DCC: variants seen among roughly 807,000 people sequenced by gnomAD.
DCC encodes netrin receptor DCC.
A neutral mutation model predicts 172.5 loss-of-function variants in DCC; 58 were observed. The ratio of observed to expected loss-of-function variants is 0.34; its 90% confidence interval spans 0.27 to 0.42. DCC has a LOEUF of 0.42. DCC is among the 10% of genes least tolerant of loss of function. The probability of loss-of-function intolerance (pLI) is 1.00; values close to 1 mark genes in which losing one functional copy is unlikely to be tolerated. For synonymous variants in DCC, 709 were observed against 644.5 expected, an observed-to-expected ratio of 1.10 and a Z score of -1.52; for missense variants, 1,740 against 1,791.0, an observed-to-expected ratio of 0.97 and a Z score of 0.51.
At chr18:53,187,024 T>G (rs879678759) in intron 9 of DCC, among the ~76,000 whole-genome samples, 1 of 152,182 alleles carries the variant, frequency 6.6e-6, no homozygotes, top group Non-Finnish European at 1.5e-5. Context: ...TTTTAAAAGA[T>G]TATTATAATA....
rs184315068 is a variant in DCC at position 53,513,139 on chromosome 18, A to C, written c.4112-13478A>C. ...CAGCAGAAATCCTACAAGCCAAAAGAGAGTGGGGGCCAATATTCAACATTC... is the reference window on the plus strand; with the variant it reads ...CAGCAGAAATCCTACAAGCCAAAAGCGAGTGGGGGCCAATATTCAACATTC... On this transcript the variant is annotated intron_variant, in intron 27 of 28. Coordinates refer to ENST00000442544, the MANE Select transcript of DCC (RefSeq NM_005215.4). Among the ~76,000 whole-genome samples, 369 of 152,328 alleles carry C rather than the reference A, an allele frequency of 2.4e-3. 1 individual carries two copies. Among genetic ancestry groups the C allele is most frequent in the Non-Finnish European group, 4.4e-3 (299 of 68,030 alleles).
intron 1 of DCC, among the ~76,000 whole-genome samples, chr18:52,677,002 A>G (rs180942688): frequency 6.6e-6 from 1 of 152,308 alleles, no homozygotes; most frequent in East Asian, 1.9e-4. Context: ...TCCTGTAGAA[A>G]CTTGAACATA....
chr18:52,885,788 A>T (rs4940221), intron 2 of DCC, among the ~76,000 whole-genome samples: 39,806 of 151,836 alleles, frequency 0.26, 5,424 homozygotes, highest in Admixed American at 0.33. Context: ...AAGCCACAAC[A>T]TCTCAGGGCT....
chr18:52,751,908 A>G, intron 1 of DCC, 146 bp from the exon 2 acceptor site: 2 of 692,730 alleles, frequency 2.9e-6, no homozygotes, highest in South Asian at 3.7e-5. Context: ...TTAACATAAT[A>G]TCCTTGATTT....
rs148799196 is a variant in DCC at position 53,349,858 on chromosome 18, G to A, written c.2359+9951G>A. ...AATTGTGGGAGTTACAAGTCAAGAT[G>A]AGATTTGGGCGGGGACACAGCCAAA... On this transcript the variant is annotated intron_variant, in intron 15 of 28. Coordinates refer to ENST00000442544, the MANE Select transcript of DCC (RefSeq NM_005215.4). Among the ~76,000 whole-genome samples the A allele has an allele frequency of 4.1e-3, 619 of 152,286 alleles. 5 individuals carry two copies. The highest frequency in any genetic ancestry group is 0.014 in the African/African-American group (586 of 41,566).
intron 1 of DCC, among the ~76,000 whole-genome samples, chr18:52,723,309 A>G (rs2036500738): frequency 6.6e-6 from 1 of 152,246 alleles, no homozygotes; most frequent in Non-Finnish European, 1.5e-5. Flanking sequence ...AATAAATTAG[A>G]CACAGAATTC....
intron 1 of DCC, among the ~76,000 whole-genome samples, chr18:52,433,565 G>A (rs894881278): frequency 6.6e-6 from 1 of 152,086 alleles, no homozygotes; most frequent in Non-Finnish European, 1.5e-5. Context: ...TAGTCATCAT[G>A]ACAGAAACAC....
chr18:53,033,040 C>G (rs1568257939), intron 5 of DCC, among the ~76,000 whole-genome samples: 2 of 152,106 alleles, frequency 1.3e-5, no homozygotes, highest in Non-Finnish European at 2.9e-5. Context: ...TAGAGTTAGT[C>G]TCCATGAAAG....
At chr18:52,841,054 A>G (rs1320501531) in intron 2 of DCC, among the ~76,000 whole-genome samples, 1 of 152,224 alleles carries the variant, frequency 6.6e-6, no homozygotes, top group Non-Finnish European at 1.5e-5. Flanking sequence ...TGAAAAAGGC[A>G]TTCAGGTTGA....
chr18:53,005,847 T>C (rs570144178), intron 5 of DCC, among the ~76,000 whole-genome samples: 3 of 152,350 alleles, frequency 2.0e-5, no homozygotes, highest in African/African-American at 4.8e-5. Flanking sequence ...TAATATACTA[T>C]ACCTTTGCTT....
intron 1 of DCC, among the ~76,000 whole-genome samples, chr18:52,707,598 G>C (rs2036230736): frequency 6.6e-6 from 1 of 152,158 alleles, no homozygotes; most frequent in South Asian, 2.1e-4. Context: ...CAATAGTCAA[G>C]ATATGGCATC....
intron 2 of DCC, among the ~76,000 whole-genome samples, chr18:52,806,176 C>A (rs886644360): frequency 3.3e-5 from 5 of 152,078 alleles, no homozygotes; most frequent in Admixed American, 3.3e-4. Context: ...GATATTATTT[C>A]TTAGAGCAGT....
At chr18:53,445,810 A>T (rs1311428951) in intron 22 of DCC, among the ~76,000 whole-genome samples, 1 of 152,084 alleles carries the variant, frequency 6.6e-6, no homozygotes, top group Non-Finnish European at 1.5e-5. Context: ...TGCCCATGAG[A>T]TGGTAAAAAA....
intron 1 of DCC, among the ~76,000 whole-genome samples, chr18:52,414,563 T>C (rs1986952329): frequency 6.6e-6 from 1 of 152,134 alleles, no homozygotes; most frequent in Non-Finnish European, 1.5e-5. Context: ...TTCTCCCCCT[T>C]GTTATCGTTA....
At chr18:52,599,938 T>C (rs2033984502) in intron 1 of DCC, among the ~76,000 whole-genome samples, 1 of 152,206 alleles carries the variant, frequency 6.6e-6, no homozygotes, top group African/African-American at 2.4e-5. Flanking sequence ...CCTTTTTTCC[T>C]GTTGTCTCTG....
chr18:52,777,316 T>TGAG (rs34322207), intron 2 of DCC, among the ~76,000 whole-genome samples: 121,045 of 151,800 alleles, frequency 0.8, 48,614 homozygotes, highest in East Asian at 0.92. Flanking sequence ...CTGAAGGCCA[T>TGAG]GAGAACTCAG....
At chr18:53,145,178 G>C (rs919973814) in intron 7 of DCC, among the ~76,000 whole-genome samples, 8 of 137,422 alleles carry the variant, frequency 5.8e-5, no homozygotes, top group South Asian at 2.5e-4. Flanking sequence ...GCAGTGGCGC[G>C]ATCTCGGCTC....
chr18:53,390,198 A>G (rs1908449026), intron 16 of DCC, among the ~76,000 whole-genome samples: 2 of 152,180 alleles, frequency 1.3e-5, no homozygotes, highest in Admixed American at 1.3e-4. Flanking sequence ...ATCAAATAAA[A>G]TACAGAAAGC....
chr18:52,423,048 C>A (rs929960227), intron 1 of DCC, among the ~76,000 whole-genome samples: 3 of 152,112 alleles, frequency 2.0e-5, no homozygotes, highest in African/African-American at 7.2e-5. Flanking sequence ...TCATCTTAAT[C>A]CTTTAACCTC....
Sources: gnomAD v4.1 joint callset for allele counts (sites outside exome capture counted in the v4.1 genomes callset) on GRCh38, gnomAD v4.1.1 for gene constraint, MANE v1.5 for transcripts, NCBI Gene and HGNC (gene_info 2026-07-23, HGNC 2026-07-21) for gene names.